NINJ2: variants seen among roughly 807,000 people sequenced by gnomAD.
The protein encoded by NINJ2 is ninjurin 2.
NINJ2 carries 12 observed loss-of-function variants against 11.7 expected under a neutral mutation model. That is an observed-to-expected ratio of 1.02 (90% CI 0.66 to 1.66). The LOEUF (loss-of-function observed/expected upper bound fraction) is 1.66, where lower values mean the gene tolerates loss of function less well. Among genes scored for constraint, NINJ2 ranks in the 40% most tolerant of loss-of-function variants. NINJ2 has a pLI of 0.00. For missense variants in NINJ2, 187 were observed against 181.8 expected (o/e 1.03, Z -0.16); for synonymous variants, 93 against 76.8 (o/e 1.21, Z -1.10).
At chr12:610,597 C>G (rs960258042) in intron 1 of NINJ2, 66 of 985,262 alleles carry the variant, frequency 6.7e-5, no homozygotes, top group Non-Finnish European at 6.1e-5. Context: ...TCTGTTCAGC[C>G]CAGCCACAGG....
At chr12:593,849 C>T (rs139216667) in intron 1 of NINJ2, among the ~76,000 whole-genome samples, 188 of 152,122 alleles carry the variant, frequency 1.2e-3, no homozygotes, top group African/African-American at 3.9e-3. Flanking sequence ...AGCAGCATCA[C>T]CAACTTATCA....
intron 1 of NINJ2, among the ~76,000 whole-genome samples, chr12:595,294 ACACAGGATTTC>A (rs1195008662): frequency 5.9e-5 from 9 of 152,258 alleles, no homozygotes; most frequent in African/African-American, 2.2e-4. Flanking sequence ...GGATAGGATG[ACACAGGATTTC>A]CATCCTAGGT....
rs1217729876 is a variant in NINJ2, at chr12:592,393, G to A, written c.34-26215C>T. 3.3e-5 allele frequency among the ~76,000 whole-genome samples: 5 copies of A among 152,236 alleles called. 1 individual carries two copies. Among genetic ancestry groups the A allele is most frequent in the South Asian group, 4.2e-4 (2 of 4,814 alleles). On this transcript the variant is annotated intron_variant, in intron 1 of 3. Coordinates refer to ENST00000305108, the MANE Select transcript of NINJ2 (RefSeq NM_016533.6). ...GAGAAAGATATTAGACACAGATTAC[G>A]AAGAAACAGAATAACTAGCTTCTCT...
At chr12:584,469 G>A (rs1337100945) in intron 1 of NINJ2, among the ~76,000 whole-genome samples, 6 of 152,164 alleles carry the variant, frequency 3.9e-5, no homozygotes, top group African/African-American at 7.2e-5. Context: ...TCAGGAGTTT[G>A]AGACCAGCCT....
intron 1 of NINJ2, chr12:590,829 A>T (rs1456209218): frequency 2.6e-5 from 1 of 38,736 alleles, no homozygotes; most frequent in African/African-American, 7.8e-5. Flanking sequence ...AGCACTTACT[A>T]TCAAGGTTAC....
Position 580,449 on chromosome 12 carries a change from G to A in NINJ2, c.34-14271C>T, listed in dbSNP as rs1280957909. On this transcript the variant is annotated intron_variant, in intron 1 of 3. Coordinates refer to ENST00000305108, the MANE Select transcript of NINJ2 (RefSeq NM_016533.6). The surrounding 1 kb of genome is among the most constrained non-coding windows in gnomAD (Gnocchi z 4.7). Reference sequence around the variant, plus strand: ...CTAAAAATACAAAAATTAGCCAGATGTGGTGGTGCACGCCTATAATTCCAG... The same window carrying A: ...CTAAAAATACAAAAATTAGCCAGATATGGTGGTGCACGCCTATAATTCCAG... 6.6e-6 allele frequency among the ~76,000 whole-genome samples: 1 copy of A among 152,056 alleles called. No individual in the cohort carries two copies. The highest frequency in any genetic ancestry group is 1.5e-5 in the Non-Finnish European group (1 of 68,002).
chr12:595,337 T>A (rs1480975488), intron 1 of NINJ2, among the ~76,000 whole-genome samples: 7 of 152,230 alleles, frequency 4.6e-5, no homozygotes, highest in Non-Finnish European at 8.8e-5. Context: ...CATAACAATA[T>A]GACTTTTTAT....
At chr12:658,592 G>A (rs1937906818) in intron 1 of NINJ2, among the ~76,000 whole-genome samples, 1 of 152,162 alleles carries the variant, frequency 6.6e-6, no homozygotes, top group African/African-American at 2.4e-5. Context: ...CAGAGGGGAA[G>A]GAGCAATGAA....
intron 1 of NINJ2, among the ~76,000 whole-genome samples, chr12:574,733 C>CAA (rs1947429922): frequency 6.6e-6 from 1 of 152,234 alleles, no homozygotes; most frequent in Non-Finnish European, 1.5e-5. Flanking sequence ...CACCCAGTCT[C>CAA]AGTTATTCTG....
At chr12:574,431 C>A (rs1372521565) in intron 1 of NINJ2, among the ~76,000 whole-genome samples, 1 of 152,184 alleles carries the variant, frequency 6.6e-6, no homozygotes, top group African/African-American at 2.4e-5. Context: ...AACTTAATCC[C>A]TGCTGTAATA....
intron 1 of NINJ2, among the ~76,000 whole-genome samples, chr12:603,481 C>G (rs1947898836): frequency 6.6e-6 from 1 of 152,024 alleles, no homozygotes; most frequent in African/African-American, 2.4e-5. Context: ...TCTAAGAAGG[C>G]TTTCCTGCAT....
chr12:569,170 G>A (rs114356370), intron 1 of NINJ2, among the ~76,000 whole-genome samples: 1,592 of 152,298 alleles, frequency 0.01, 36 homozygotes, highest in African/African-American at 0.036. Flanking sequence ...GGCCACACAC[G>A]GCGTTCAGGG....
At chr12:568,266 C>T (rs1226389608) in intron 1 of NINJ2, among the ~76,000 whole-genome samples, 4 of 152,158 alleles carry the variant, frequency 2.6e-5, no homozygotes, top group East Asian at 3.8e-4. Context: ...CTTGGGCACT[C>T]GTCTTTGGAG....
intron 1 of NINJ2, 24 bp from the exon 2 acceptor site, chr12:566,202 T>TTCTCCAG: frequency 6.3e-7 from 1 of 1,588,474 alleles, no homozygotes; most frequent in Non-Finnish European, 8.6e-7. Context: ...AGCACAGACT[T>TTCTCCAG]ACCAAGGGGA....
chr12:582,107 G>C (rs550677695), intron 1 of NINJ2, among the ~76,000 whole-genome samples: 1 of 152,344 alleles, frequency 6.6e-6, no homozygotes, highest in South Asian at 2.1e-4. Flanking sequence ...GGAGATCAGA[G>C]GCAAGATTTG....
At chr12:612,298 A>G (rs993116174) in intron 1 of NINJ2, among the ~76,000 whole-genome samples, 2 of 152,024 alleles carry the variant, frequency 1.3e-5, no homozygotes, top group Admixed American at 1.3e-4. Context: ...GCATCCTAAC[A>G]CAACACTCTG....
chr12:608,937 G>T (rs1209365031), intron 1 of NINJ2, among the ~76,000 whole-genome samples: 1 of 152,114 alleles, frequency 6.6e-6, no homozygotes, highest in Non-Finnish European at 1.5e-5. Context: ...AGTGGACCAG[G>T]TGCTTTCTGG....
At chr12:605,998 A>G (rs1052784011) in intron 1 of NINJ2, among the ~76,000 whole-genome samples, 16 of 152,176 alleles carry the variant, frequency 1.1e-4, no homozygotes, top group Non-Finnish European at 2.4e-4. Flanking sequence ...AAAAAAGAGA[A>G]GCTATTCCAT....
At chr12:622,710 C>T (rs78104925) in intron 1 of NINJ2, among the ~76,000 whole-genome samples, 3,790 of 152,104 alleles carry the variant, frequency 0.025, 159 homozygotes, top group African/African-American at 0.08. Flanking sequence ...GGTCACAGAC[C>T]CTTTCAGAAT....
Sources: gnomAD v4.1 joint callset for allele counts (sites outside exome capture counted in the v4.1 genomes callset) on GRCh38, gnomAD v4.1.1 for gene constraint, Gnocchi (gnomAD v3.1) non-coding constraint, MANE v1.5 for transcripts, NCBI Gene and HGNC (gene_info 2026-07-23, HGNC 2026-07-21) for gene names.